Variants in ZHX2 observed in about 807,000 individuals in gnomAD.
ZHX2 encodes the protein zinc fingers and homeoboxes protein 2.
A neutral mutation model predicts 21.9 loss-of-function variants in ZHX2; 6 were observed. That is an observed-to-expected ratio of 0.27 (90% confidence interval 0.15 to 0.54). The LOEUF is 0.54. Among genes scored for constraint, ZHX2 ranks in the 20% least tolerant of loss-of-function variants. ZHX2 has a pLI of 0.95. For synonymous variants in ZHX2, 434 were observed against 437.1 expected (o/e 0.99, Z 0.09); for missense variants, 908 against 1,090.7 (o/e 0.83, Z 2.36).
chr8:122,941,655 A>G (rs992392275), intron 2 of ZHX2, among the ~76,000 whole-genome samples: 2 of 143,006 alleles, frequency 1.4e-5, no homozygotes, highest in African/African-American at 5.7e-5. Context: ...TTGTAGTTTT[A>G]GTTGCAGCAA....
intron 1 of ZHX2, among the ~76,000 whole-genome samples, chr8:122,812,395 G>A (rs918493130): frequency 6.6e-6 from 1 of 152,164 alleles, no homozygotes; most frequent in Admixed American, 6.5e-5. Flanking sequence ...TGAATGCACT[G>A]AGATACATTG....
Position 122,933,988 on chromosome 8 carries a change from T to C in ZHX2, c.-219-17304T>C, listed in dbSNP as rs1459009376. Among the ~76,000 whole-genome samples, 3 of 152,310 alleles carry C rather than the reference T, an allele frequency of 2.0e-5. No individual in the cohort carries two copies. In the East Asian group the frequency reaches 5.8e-4, roughly 29 times the overall value. ...GAGTTCAAGACGAGCCTGAGCAACA[T>C]AGTGAGACTTTGTCTACATTAATTA... On this transcript the variant is annotated intron_variant, in intron 2 of 3. Transcript: ENST00000314393.
intron 2 of ZHX2, among the ~76,000 whole-genome samples, chr8:122,914,882 C>T (rs915494261): frequency 3.3e-5 from 5 of 152,180 alleles, no homozygotes; most frequent in Admixed American, 3.3e-4. Flanking sequence ...GTTCCTGCTG[C>T]ATTCAATATT....
intron 2 of ZHX2, among the ~76,000 whole-genome samples, chr8:122,916,162 A>G (rs1345992250): frequency 2.6e-5 from 4 of 152,340 alleles, no homozygotes; most frequent in African/African-American, 7.2e-5. Context: ...ATGAGATTAC[A>G]GACGCTTTCA....
chr8:122,829,839 A>G (rs980645805), intron 1 of ZHX2, among the ~76,000 whole-genome samples: 2 of 152,242 alleles, frequency 1.3e-5, no homozygotes, highest in African/African-American at 4.8e-5. Flanking sequence ...ACAAGTAGCA[A>G]TGGCCTTCCC....
intron 1 of ZHX2, among the ~76,000 whole-genome samples, chr8:122,833,453 G>A (rs1485648907): frequency 6.6e-6 from 1 of 152,106 alleles, no homozygotes; most frequent in East Asian, 1.9e-4. Context: ...TAATGCGGAC[G>A]GGGGTGTGGT....
chr8:122,941,068 T>TTA (rs34467220), intron 2 of ZHX2, among the ~76,000 whole-genome samples: 10 of 133,576 alleles, frequency 7.5e-5, no homozygotes, highest in Admixed American at 7.5e-4. Context: ...CTATCTCTAT[T>TTA]AAAAAAAAAA....
At chr8:122,818,671 C>T (rs957477429) in intron 1 of ZHX2, among the ~76,000 whole-genome samples, 3 of 152,188 alleles carry the variant, frequency 2.0e-5, no homozygotes, top group Admixed American at 2.0e-4. Context: ...ATGTGTCTTA[C>T]GATGAAACTT....
chr8:122,913,857 G>A (rs997749765), intron 2 of ZHX2, among the ~76,000 whole-genome samples: 3 of 152,228 alleles, frequency 2.0e-5, no homozygotes, highest in Non-Finnish European at 2.9e-5. Context: ...ATTGTTGATA[G>A]AGAGGGGGAT....
chr8:122,941,068 T>TA (rs11375328), intron 2 of ZHX2, among the ~76,000 whole-genome samples: 21,820 of 133,488 alleles, frequency 0.16, 2,130 homozygotes, highest in African/African-American at 0.29. Flanking sequence ...CTATCTCTAT[T>TA]AAAAAAAAAA....
chr8:122,893,985 G>T (rs1820039482), intron 2 of ZHX2, among the ~76,000 whole-genome samples: 1 of 152,206 alleles, frequency 6.6e-6, no homozygotes, highest in African/African-American at 2.4e-5. Flanking sequence ...TTTTCCTGTA[G>T]ATGTGTCCTA....
Position 122,952,334 on chromosome 8 carries a change from C to G in ZHX2, c.824C>G (p.Ala275Gly). 6.2e-7 allele frequency: 1 copy of G among 1,614,154 alleles called. No homozygotes were observed. Among genetic ancestry groups the G allele is most frequent in the Non-Finnish European group, 8.5e-7 (1 of 1,180,024 alleles). Residue 275 changes from alanine (A) to glycine (G), a missense_variant, in exon 3 of 4, where the codon GCC (alanine) becomes GGC (glycine). By Grantham distance (60) the Ala-to-Gly change is moderately conservative. Coordinates refer to ENST00000314393, the MANE Select transcript of ZHX2 (RefSeq NM_014943.5). This position sits in a 1 kb window ranked among gnomAD's most constrained non-coding sequence, Gnocchi z 6.9. ...TKYNSALDTNATMINSFNKFP... is the reference protein window; with the variant it reads ...TKYNSALDTNGTMINSFNKFP... ...TACAACTCTGCCCTGGATACAAATG[C>G]CACGATGATCAACTCTTTCAACAAG... is the stretch of plus-strand genomic sequence containing the variant.
chr8:122,930,042 A>G (rs1820946369), intron 2 of ZHX2, among the ~76,000 whole-genome samples: 1 of 152,214 alleles, frequency 6.6e-6, no homozygotes, highest in Non-Finnish European at 1.5e-5. Flanking sequence ...AGGTAACAGC[A>G]CAGAGCGGGT....
At chr8:122,876,568 C>T (rs142374876) in intron 2 of ZHX2, among the ~76,000 whole-genome samples, 131 of 152,236 alleles carry the variant, frequency 8.6e-4, no homozygotes, top group Non-Finnish European at 1.6e-3. Context: ...AGGCTGGGAG[C>T]CAACGTGATG....
chr8:122,899,275 C>G (rs371477931), intron 2 of ZHX2, among the ~76,000 whole-genome samples: 25 of 152,260 alleles, frequency 1.6e-4, no homozygotes, highest in Admixed American at 5.2e-4. Flanking sequence ...AGCTCTCCCA[C>G]TTAATTTTTC....
rs574052462 is a variant in ZHX2 at position 122,879,353 on chromosome 8, C to T, written c.-220+15814C>T. Among the ~76,000 whole-genome samples, 3 of 152,160 alleles carry T rather than the reference C, an allele frequency of 2.0e-5. 1 individual carries two copies. In the South Asian group the frequency reaches 6.2e-4, roughly 32 times the overall value. On this transcript the variant is annotated intron_variant, in intron 2 of 3. Transcript: ENST00000314393. ...TCCCGAGTAGCTAGGATAACAGACA[C>T]ATGCCACCACGCCCAGCTAACTTTT...
intron 2 of ZHX2, among the ~76,000 whole-genome samples, chr8:122,864,368 C>T (rs1216518798): frequency 2.0e-5 from 3 of 151,956 alleles, no homozygotes; most frequent in African/African-American, 4.8e-5. Context: ...GTCTCTCCTA[C>T]GTTGTTGCCC....
chr8:122,868,007 G>A (rs1228266283), intron 2 of ZHX2, among the ~76,000 whole-genome samples: 3 of 152,122 alleles, frequency 2.0e-5, no homozygotes, highest in African/African-American at 7.2e-5. Context: ...GAGTTCCTCT[G>A]CTCTGGTCTT....
chr8:122,913,923 C>T (rs1820538653), intron 2 of ZHX2, among the ~76,000 whole-genome samples: 1 of 152,174 alleles, frequency 6.6e-6, no homozygotes, highest in Non-Finnish European at 1.5e-5. Context: ...ATAACAATGG[C>T]CTTCATGAGA....
Sources: allele counts gnomAD v4.1 joint callset (sites outside exome capture counted in the v4.1 genomes callset), GRCh38; gene constraint gnomAD v4.1.1; non-coding constraint Gnocchi (gnomAD v3.1); transcripts MANE v1.5; gene names NCBI Gene and HGNC (gene_info 2026-07-23, HGNC 2026-07-21).